The following SPICE1 variants were observed in gnomAD, a reference collection of about 807,000 sequenced individuals.
SPICE1 encodes the protein spindle and centriole-associated protein 1.
Under a neutral mutation model 102.7 loss-of-function variants are expected in SPICE1, and 75 were observed. The observed-to-expected ratio is 0.73, with a 90% confidence interval of 0.61 to 0.88. The LOEUF (loss-of-function observed/expected upper bound fraction) is 0.88, where lower values mean the gene tolerates loss of function less well. Among genes scored for constraint, SPICE1 ranks in the 40% least tolerant of loss-of-function variants. SPICE1 has a pLI of 0.00. For synonymous variants in SPICE1, 308 were observed against 350.3 expected, an observed-to-expected ratio of 0.88 and a Z score of 1.35; for missense variants, 979 against 1,020.1, an observed-to-expected ratio of 0.96 and a Z score of 0.55.
intron 6 of SPICE1, among the ~76,000 whole-genome samples, 193 bp downstream of exon 6, chr3:113,493,013 T>C (rs1936798425): frequency 6.6e-6 from 1 of 152,218 alleles, no homozygotes. Flanking sequence ...ACTCAGTAAA[T>C]TTTAGCTATT....
chr3:113,505,505 A>G (rs1210260646), intron 2 of SPICE1, among the ~76,000 whole-genome samples: 1 of 152,178 alleles, frequency 6.6e-6, no homozygotes, highest in African/African-American at 2.4e-5. Flanking sequence ...TTCCAAGTCC[A>G]AAAGAATCCC....
rs151189799 is a variant in SPICE1 at position 113,453,573 on chromosome 3, T to A, written c.2035A>T (p.Asn679Tyr). 313 of 1,614,096 alleles carry A rather than the reference T, an allele frequency of 1.9e-4. No homozygotes were observed. The highest frequency in any genetic ancestry group is 2.5e-4 in the Non-Finnish European group (296 of 1,180,046). The change falls in exon 14 of 18, where the codon AAT becomes TAT. Residue 679 changes from asparagine (N) to tyrosine (Y), a missense_variant. By Grantham distance (143) the Asn-to-Tyr change is moderately radical. Coordinates refer to ENST00000295872, the MANE Select transcript of SPICE1 (RefSeq NM_144718.4). ...TTCATATGTGCCTTGATAGCTGAAT[T>A]CTGCAATGTCAAATCAGCAATTCGT... ...MTRIADLTLQNSAIKAHMNNI... is the reference protein window; with the variant it reads ...MTRIADLTLQYSAIKAHMNNI...
rs775973208 is a variant in SPICE1 at position 113,468,125 on chromosome 3, C to G, written c.1155+14G>C. ...CTGCCTGAAAAGAAGACTCTACTAA[C>G]CTAATGTCCTTACCTCTTTAAGGTA... On this transcript the variant is annotated intron_variant, in intron 10 of 17. Coordinates refer to ENST00000295872, the MANE Select transcript of SPICE1 (RefSeq NM_144718.4). The G allele has an allele frequency of 1.9e-6, 3 of 1,612,920 alleles. No homozygotes were observed. The highest frequency in any genetic ancestry group is 1.3e-5 in the African/African-American group (1 of 75,016).
Position 113,457,130 on chromosome 3 carries a change from A to G in SPICE1, c.1657+6T>C. The stretch of plus-strand genomic sequence containing the variant: ...AACTTTCATGTAACTTTAGAAGAAG[A>G]CTTACCGTCCTGAAGAGGAGAGAAT... On this transcript the variant is annotated splice_donor_region_variant and intron_variant, in intron 13 of 17. Transcript: ENST00000295872. The G allele has an allele frequency of 1.1e-5, 17 of 1,611,980 alleles. No homozygotes were observed. The highest frequency in any genetic ancestry group is 1.4e-5 in the Non-Finnish European group (17 of 1,178,384).
In SPICE1 at chr3:113,469,237, A is replaced by C. The variant is rs1280562285; in HGVS notation, c.613T>G (p.Phe205Val). 1 of 1,551,614 alleles carries C rather than the reference A, an allele frequency of 6.4e-7. No individual in the cohort carries two copies. The highest frequency in any genetic ancestry group is 1.3e-5 in the South Asian group (1 of 78,506). Residue 205 changes from phenylalanine to valine, a missense_variant and splice_region_variant, in exon 8 of 18, where the codon TTT becomes GTT. By Grantham distance (50) the Phe-to-Val change is conservative (BLOSUM62 -1). Coordinates refer to ENST00000295872, the MANE Select transcript of SPICE1 (RefSeq NM_144718.4). ...NSQSNTNTDR[F>V]LQQLTEENFE... ...TTCTCTTCTGTTAGTTGTTGGAGAA[A>C]CCTATAAATTACAGGACAATAAGCT... is the stretch of plus-strand genomic sequence containing the variant.
At chr3:113,514,774 T>C (rs758488883) in intron 1 of SPICE1, 123 bp downstream of exon 1, 62 of 1,287,380 alleles carry the variant, frequency 4.8e-5, no homozygotes, top group Non-Finnish European at 5.9e-5. Flanking sequence ...CCCCCAACGC[T>C]ACAATCGAGC....
At position 113,450,372 on chromosome 3, in the gene SPICE1, T is replaced by C. The variant is rs765208614; in HGVS notation, c.2287A>G (p.Met763Val). The C allele has an allele frequency of 1.1e-5, 17 of 1,614,008 alleles. No homozygotes were observed. The highest frequency in any genetic ancestry group is 4.5e-5 in the East Asian group (2 of 44,890). ...CTGAGAGGTAACTGAACAGGTGACA[T>C]TGGTGGAGAAAGATTCAAACCAACA... ...KLVGLNLSPP[M>V]SPVQLPLRAW... is the part of the protein sequence containing the mutation. Residue 763 changes from methionine to valine, a missense_variant, in exon 15 of 18, where the codon ATG (methionine) becomes GTG (valine). By Grantham distance (21) the Met-to-Val change is conservative. Coordinates refer to ENST00000295872, the MANE Select transcript of SPICE1 (RefSeq NM_144718.4).
chr3:113,485,052 A>G (rs115311338), intron 7 of SPICE1, among the ~76,000 whole-genome samples: 6,511 of 152,212 alleles, frequency 0.043, 169 homozygotes, highest in East Asian at 0.1. Flanking sequence ...CTTTTCCCAC[A>G]GTCTTCGCAA....
chr3:113,464,843 A>G (rs1034584814), intron 11 of SPICE1, among the ~76,000 whole-genome samples: 3 of 152,230 alleles, frequency 2.0e-5, no homozygotes, highest in Non-Finnish European at 2.9e-5. Context: ...GCAGTGGCTC[A>G]TGCCTGTAAT....
intron 11 of SPICE1, among the ~76,000 whole-genome samples, chr3:113,464,865 C>T (rs1275056229): frequency 3.3e-5 from 5 of 152,204 alleles, no homozygotes; most frequent in African/African-American, 7.2e-5. Flanking sequence ...CCAGCACTTT[C>T]GAGGGCCAAG....
intron 11 of SPICE1, among the ~76,000 whole-genome samples, chr3:113,462,142 T>C (rs1935946526): frequency 6.6e-6 from 1 of 152,200 alleles, no homozygotes; most frequent in African/African-American, 2.4e-5. Context: ...AATATATTCA[T>C]AACTTGATCA....
intron 4 of SPICE1, among the ~76,000 whole-genome samples, chr3:113,496,752 A>C (rs1041234366): frequency 1.3e-5 from 2 of 152,202 alleles, no homozygotes; most frequent in Admixed American, 1.3e-4. Context: ...AATATGTCTA[A>C]GGAGGCTTCT....
chr3:113,454,051 C>T (rs1403793612), intron 13 of SPICE1, 101 bp from the exon 14 acceptor site: 2 of 1,157,076 alleles, frequency 1.7e-6, no homozygotes, highest in Non-Finnish European at 2.4e-6. Flanking sequence ...AAAAGTATTT[C>T]AGTAGAAGGG....
At position 113,444,188 on chromosome 3, in the gene SPICE1, C is replaced by T. The variant is rs1935459429; in HGVS notation, c.*1119G>A. 1 of 151,720 alleles carries T rather than the reference C, an allele frequency of 6.6e-6. No individual in the cohort carries two copies. The highest frequency in any genetic ancestry group is 2.1e-4 in the South Asian group (1 of 4,796). 9.4% of individuals were successfully genotyped at this position (151,720 alleles called of 1,614,324 possible). The stretch of plus-strand genomic sequence containing the variant: ...TAAAATAGAAATAAACATCTCAGAA[C>T]CAAAAGGGTACCCTGAAAAATCTAT... On this transcript the variant is annotated 3_prime_UTR_variant, in exon 18 of 18. Coordinates refer to ENST00000295872, the MANE Select transcript of SPICE1 (RefSeq NM_144718.4).
chr3:113,483,458 G>C (rs566982036), intron 7 of SPICE1, among the ~76,000 whole-genome samples: 1 of 152,308 alleles, frequency 6.6e-6, no homozygotes, highest in South Asian at 2.1e-4. Context: ...TAGGAGTTGT[G>C]AGAGAGGGCA....
chr3:113,457,784 G>A (rs149580297), intron 12 of SPICE1, among the ~76,000 whole-genome samples: 12 of 152,194 alleles, frequency 7.9e-5, no homozygotes, highest in East Asian at 1.9e-4. Context: ...TCAGCCTCCC[G>A]AGTAGCTGGG....
rs191553349 is a variant in SPICE1 at position 113,460,849 on chromosome 3, G to A, written c.1288-85C>T. 1,412 of 1,255,524 alleles carry A rather than the reference G, an allele frequency of 1.1e-3. 14 individuals are homozygous for A. In the African/African-American group the frequency reaches 0.019, roughly 17 times the overall value. The allele number at this position is 1,255,524 out of a possible 1,614,324, so 77.8% of individuals were successfully genotyped here. On this transcript the variant is annotated intron_variant, in intron 11 of 17. Coordinates refer to ENST00000295872, the MANE Select transcript of SPICE1 (RefSeq NM_144718.4). ...AGAAAGCAAACCACACAAAGGATAC[G>A]TGTGTTTAATATCATATCAATACAT...
chr3:113,495,261 C>T (rs1936858278), intron 4 of SPICE1, among the ~76,000 whole-genome samples: 1 of 152,234 alleles, frequency 6.6e-6, no homozygotes, highest in African/African-American at 2.4e-5. Context: ...CAGTTTCCAA[C>T]ACTTGACTCA....
At chr3:113,486,424 G>C (rs1258842206) in intron 7 of SPICE1, among the ~76,000 whole-genome samples, 1 of 150,104 alleles carries the variant, frequency 6.7e-6, no homozygotes, top group African/African-American at 2.4e-5. Context: ...CTGGTTTTTT[G>C]AAAAGATCAA....
Sources: gnomAD v4.1 joint callset for allele counts (sites outside exome capture counted in the v4.1 genomes callset) on GRCh38, gnomAD v4.1.1 for gene constraint, MANE v1.5 for transcripts, NCBI Gene and HGNC (gene_info 2026-07-23, HGNC 2026-07-21) for gene names.